DNM2: variants seen among roughly 807,000 people sequenced by gnomAD.
DNM2 encodes the protein dynamin-2.
In DNM2, 15 loss-of-function variants were observed where a neutral mutation model predicts 99.0. The ratio of observed to expected loss-of-function variants is 0.15; its 90% CI spans 0.10 to 0.23. The LOEUF is 0.23. Among genes scored for constraint, DNM2 ranks in the 10% least tolerant of loss-of-function variants. The probability of loss-of-function intolerance (pLI) is 1.00; values close to 1 mark genes in which losing one functional copy is unlikely to be tolerated. For synonymous variants in DNM2, 525 were observed against 481.2 expected, an observed-to-expected ratio of 1.09 and a Z score of -1.19; for missense variants, 742 against 1,189.4, an observed-to-expected ratio of 0.62 and a Z score of 5.53.
Position 10,765,878 on chromosome 19 carries a change from C to T in DNM2, c.235+6067C>T, listed in dbSNP as rs2070781602. On this transcript the variant is annotated intron_variant, in intron 2 of 20. Transcript: ENST00000389253. This position sits in a 1 kb window ranked among gnomAD's most constrained non-coding sequence, Gnocchi z 4.4. Reference sequence around the variant, plus strand: ...GTCATTGTGTTCTTTGCTGGGGGAACGGTGAGAAGATCCAGGGCAGAGCCC... The same window carrying T: ...GTCATTGTGTTCTTTGCTGGGGGAATGGTGAGAAGATCCAGGGCAGAGCCC... Among the ~76,000 whole-genome samples the T allele has an allele frequency of 2.0e-5, 3 of 152,166 alleles. No homozygotes were observed. The highest frequency in any genetic ancestry group is 6.5e-5 in the Admixed American group (1 of 15,276).
intron 5 of DNM2, among the ~76,000 whole-genome samples, chr19:10,779,530 C>T (rs1184467754): frequency 3.9e-4 from 5 of 12,678 alleles, no homozygotes; most frequent in African/African-American, 1.1e-3. Context: ...TTTTTTTTGA[C>T]GATGTCTTAT....
chr19:10,729,867 A>ATT (rs766188774), intron 1 of DNM2, among the ~76,000 whole-genome samples: 1 of 140,736 alleles, frequency 7.1e-6, no homozygotes. Context: ...ATGGGTGGTT[A>ATT]TTTTTTTTTT....
rs1026952511 is a variant in DNM2, at chr19:10,815,808, C to T, written c.1671+3431C>T. Among the ~76,000 whole-genome samples the T allele has an allele frequency of 4.6e-5, 7 of 152,284 alleles. No individual in the cohort carries two copies. The East Asian group carries it at 7.7e-4, about 17-fold the overall frequency. Reference sequence around the variant, plus strand: ...GGGAATGCTCTGTAGGAGTGCCCCCCACTGGGGACTTGCTGGCACCCAACC... The same window carrying T: ...GGGAATGCTCTGTAGGAGTGCCCCCTACTGGGGACTTGCTGGCACCCAACC... On this transcript the variant is annotated intron_variant, in intron 15 of 20. Coordinates refer to ENST00000389253, the MANE Select transcript of DNM2 (RefSeq NM_001005361.3).
chr19:10,786,419 A>G, intron 6 of DNM2, 145 bp from the exon 7 acceptor site: 1 of 1,281,438 alleles, frequency 7.8e-7, no homozygotes, highest in Non-Finnish European at 1.1e-6. Context: ...GGCTTGATTT[A>G]TCTGTTGCTG....
At position 10,812,380 on chromosome 19, in the gene DNM2, G is replaced by C. The variant is rs942932745; in HGVS notation, c.1671+3G>C. 2 of 1,602,992 alleles carry C rather than the reference G, an allele frequency of 1.2e-6. No homozygotes were observed. Among genetic ancestry groups the C allele is most frequent in the African/African-American group, 1.3e-5 (1 of 74,832 alleles). ...TGTCCTGGTACAAGGATGAGGAGGT[G>C]AGTGGCAGGCGGGAGCAGGGCTGCT... is the stretch of plus-strand genomic sequence containing the variant. On this transcript the variant is annotated splice_donor_region_variant and intron_variant, in intron 15 of 20. Transcript: ENST00000389253. The surrounding 1 kb of genome is among the most constrained non-coding windows in gnomAD (Gnocchi z 4.0).
At position 10,823,726 on chromosome 19, in the gene DNM2, G is replaced by C. The variant is rs116859820; in HGVS notation, c.1782-62G>C. ...AAGACCCCTAGAGCCCATTCCTCTC[G>C]GCAGTCTGCCAGACCCATGGCAGGG... is the stretch of plus-strand genomic sequence containing the variant. On this transcript the variant is annotated intron_variant, in intron 16 of 20. Coordinates refer to ENST00000389253, the MANE Select transcript of DNM2 (RefSeq NM_001005361.3). The C allele has an allele frequency of 5.8e-4, 888 of 1,536,426 alleles. 9 individuals are homozygous for C. In the East Asian group the frequency reaches 0.018, roughly 31 times the overall value.
chr19:10,803,462 G>A (rs1229583034), intron 12 of DNM2, among the ~76,000 whole-genome samples: 4 of 152,314 alleles, frequency 2.6e-5, no homozygotes, highest in Non-Finnish European at 2.9e-5. Flanking sequence ...CTGTGCTCCC[G>A]GCCGCCGGGT....
chr19:10,730,103 A>T (rs1428919691), intron 1 of DNM2, among the ~76,000 whole-genome samples: 1 of 152,006 alleles, frequency 6.6e-6, no homozygotes, highest in Admixed American at 6.6e-5. Context: ...GGCTCATGCG[A>T]TCCTTTCACG....
intron 1 of DNM2, among the ~76,000 whole-genome samples, chr19:10,743,057 G>A (rs931519835): frequency 6.6e-6 from 1 of 151,898 alleles, no homozygotes; most frequent in African/African-American, 2.4e-5. Context: ...GGGACCACAG[G>A]CGTGTGCCAC....
At chr19:10,723,160 G>A (rs1345137120) in intron 1 of DNM2, among the ~76,000 whole-genome samples, 1 of 142,908 alleles carries the variant, frequency 7.0e-6, no homozygotes, top group Non-Finnish European at 1.5e-5. Context: ...TTGAGACGGA[G>A]TTTCATTCTT....
chr19:10,825,275 C>T (rs2073104807), intron 18 of DNM2, 54 bp downstream of exon 18: 8 of 1,606,732 alleles, frequency 5.0e-6, no homozygotes, highest in Admixed American at 1.7e-5. Context: ...TGGCTCACGC[C>T]TGTAATCCCA....
intron 1 of DNM2, among the ~76,000 whole-genome samples, chr19:10,737,422 T>C (rs1478011878): frequency 6.6e-6 from 1 of 152,116 alleles, no homozygotes; most frequent in Admixed American, 6.6e-5. Flanking sequence ...CTCTGTCCCC[T>C]TCCCCTGCTT....
rs1568268960 is a variant in DNM2, at chr19:10,734,735, T to TTA, written c.161+16332_161+16333insTA. Among the ~76,000 whole-genome samples, 12 of 151,292 alleles carry TTA rather than the reference T, an allele frequency of 7.9e-5. No homozygotes were observed. In the East Asian group the frequency reaches 1.5e-3, roughly 19 times the overall value. On this transcript the variant is annotated intron_variant, in intron 1 of 20. Coordinates refer to ENST00000389253, the MANE Select transcript of DNM2 (RefSeq NM_001005361.3). ...AATTTAAAAAAAAATTTTTTTTTTTTATCGAGATGGGGGTCTTGCTGTCTG... is the reference window on the plus strand; with the variant it reads ...AATTTAAAAAAAAATTTTTTTTTTTTTAATCGAGATGGGGGTCTTGCTGTCTG...
In DNM2 at chr19:10,765,501, A is replaced by G. The variant is rs142231035; in HGVS notation, c.235+5690A>G. ...TCTGCCATTCCATCTGCAGCCTTGT[A>G]TCTAGAGAGCAGACCAAGCTGGCGT... On this transcript the variant is annotated intron_variant, in intron 2 of 20. Coordinates refer to ENST00000389253, the MANE Select transcript of DNM2 (RefSeq NM_001005361.3). The surrounding 1 kb of genome is among the most constrained non-coding windows in gnomAD (Gnocchi z 4.4). 1.7e-4 allele frequency among the ~76,000 whole-genome samples: 26 copies of G among 152,304 alleles called. No individual in the cohort carries two copies. In the East Asian group the frequency reaches 4.2e-3, roughly 25 times the overall value.
chr19:10,731,868 G>T (rs922642990), intron 1 of DNM2, among the ~76,000 whole-genome samples: 1 of 152,242 alleles, frequency 6.6e-6, no homozygotes, highest in Non-Finnish European at 1.5e-5. Flanking sequence ...TTGCTGGGAA[G>T]CTCAGGTCAG....
intron 1 of DNM2, among the ~76,000 whole-genome samples, chr19:10,757,943 C>CA (rs762600168): frequency 0.064 from 4,171 of 64,778 alleles, 232 homozygotes; most frequent in East Asian, 0.32. Flanking sequence ...AGCTCTGTCT[C>CA]AAAAAAAAAA....
Position 10,820,796 on chromosome 19 carries a change from A to T in DNM2, c.1781+707A>T, listed in dbSNP as rs1359166594. On this transcript the variant is annotated intron_variant, in intron 16 of 20. Transcript: ENST00000389253. The surrounding 1 kb of genome is among the most constrained non-coding windows in gnomAD (Gnocchi z 4.3). ...GAACTGGGCAGTCACCATTGCGTGG[A>T]TGGTATTTCAAGGAACGAAACCAGA... Among the ~76,000 whole-genome samples, 1 of 152,210 alleles carries T rather than the reference A, an allele frequency of 6.6e-6. No homozygotes were observed. The highest frequency in any genetic ancestry group is 2.4e-5 in the African/African-American group (1 of 41,456).
At position 10,764,654 on chromosome 19, in the gene DNM2, C is replaced by T. The variant is rs2070738214; in HGVS notation, c.235+4843C>T. Among the ~76,000 whole-genome samples the T allele has an allele frequency of 6.6e-6, 1 of 152,168 alleles. No individual in the cohort carries two copies. The highest frequency in any genetic ancestry group is 1.5e-5 in the Non-Finnish European group (1 of 68,036). ...CCAAGGAAGAGATGTCAGGACCTGGCTCCAGGGCTTCCCATTGGCCTCAGA... is the reference window on the plus strand; with the variant it reads ...CCAAGGAAGAGATGTCAGGACCTGGTTCCAGGGCTTCCCATTGGCCTCAGA... On this transcript the variant is annotated intron_variant, in intron 2 of 20. Coordinates refer to ENST00000389253, the MANE Select transcript of DNM2 (RefSeq NM_001005361.3). This position sits in a 1 kb window ranked among gnomAD's most constrained non-coding sequence, Gnocchi z 4.1.
At chr19:10,732,242 C>T (rs1255021940) in intron 1 of DNM2, among the ~76,000 whole-genome samples, 1 of 148,186 alleles carries the variant, frequency 6.7e-6, no homozygotes, top group African/African-American at 2.5e-5. Flanking sequence ...CATGAGCCAC[C>T]GCGCCCTTAA....
Sources: allele counts gnomAD v4.1 joint callset (sites outside exome capture counted in the v4.1 genomes callset), GRCh38; gene constraint gnomAD v4.1.1; non-coding constraint Gnocchi (gnomAD v3.1); transcripts MANE v1.5; gene names NCBI Gene and HGNC (gene_info 2026-07-23, HGNC 2026-07-21).